Variants in LTBP2 observed in about 807,000 individuals in gnomAD.
LTBP2 encodes the protein latent-transforming growth factor beta-binding protein 2.
A neutral mutation model predicts 210.6 loss-of-function variants in LTBP2; 103 were observed. The ratio of observed to expected loss-of-function variants is 0.49; its 90% CI spans 0.42 to 0.58. The LOEUF is 0.58. Among genes scored for constraint, LTBP2 ranks in the 20% least tolerant of loss-of-function variants. The probability of loss-of-function intolerance (pLI) is 0.00; values close to 1 mark genes in which losing one functional copy is unlikely to be tolerated. For missense variants in LTBP2, 2,313 were observed against 2,494.5 expected (o/e 0.93, Z 1.55); for synonymous variants, 1,007 against 1,015.0 (o/e 0.99, Z 0.15).
At chr14:74,545,959 G>C (rs1336091948) in intron 8 of LTBP2, among the ~76,000 whole-genome samples, 1 of 152,156 alleles carries the variant, frequency 6.6e-6, no homozygotes, top group Non-Finnish European at 1.5e-5. Context: ...GGAACAAAAG[G>C]GATTTACCTA....
chr14:74,577,198 AAAAAG>A (rs573355825), intron 3 of LTBP2, among the ~76,000 whole-genome samples: 78 of 152,362 alleles, frequency 5.1e-4, no homozygotes, highest in African/African-American at 1.7e-3. Flanking sequence ...AAAAGGCTAA[AAAAAG>A]AAAAGAAAGA....
At chr14:74,532,358 C>T (rs887029381) in intron 10 of LTBP2, 68 bp downstream of exon 10, 1 of 1,603,046 alleles carries the variant, frequency 6.2e-7, no homozygotes, top group Non-Finnish European at 8.5e-7. Flanking sequence ...TGGGCCTGGC[C>T]TGTGGACCTG....
At chr14:74,529,247 G>A (rs2087319773) in intron 10 of LTBP2, 125 bp from the exon 11 acceptor site, 5 of 1,182,938 alleles carry the variant, frequency 4.2e-6, no homozygotes, top group Non-Finnish European at 6.1e-6. Context: ...CCATATCTCA[G>A]TTGGGAAGTT....
Position 74,506,001 on chromosome 14 carries a change from C to A in LTBP2, c.4177+47G>T, listed in dbSNP as rs762306510. 4 of 1,612,824 alleles carry A rather than the reference C, an allele frequency of 2.5e-6. No homozygotes were observed. The Admixed American group carries it at 6.7e-5, about 27-fold the overall frequency. ...AGAGGGATGCAGAGGGACACGCTCT[C>A]TGTAAACCTCTGAGTCACCATGGAT... On this transcript the variant is annotated intron_variant, in intron 28 of 35. Coordinates refer to ENST00000261978, the MANE Select transcript of LTBP2 (RefSeq NM_000428.3).
At chr14:74,604,268 C>A (rs924362213) in intron 1 of LTBP2, among the ~76,000 whole-genome samples, 1 of 151,716 alleles carries the variant, frequency 6.6e-6, no homozygotes, top group African/African-American at 2.4e-5. Context: ...ATAAAACAGT[C>A]TCAAGGTCAT....
Position 74,506,155 on chromosome 14 carries a change from C to T in LTBP2, c.4070G>A (p.Gly1357Glu). The change falls in exon 28 of 36, where the codon GGG (glycine) becomes GAG (glutamate). Residue 1357 changes from glycine (G) to glutamate (E), a missense_variant. Coordinates refer to ENST00000261978, the MANE Select transcript of LTBP2 (RefSeq NM_000428.3). ...CTCCACGTTCTCACAGAGCGCGGCC[C>T]CACATACCGCCAGCATAAGCTCACA... ...NECELMLAVC[G>E]AALCENVEGS... 1 of 1,613,928 alleles carries T rather than the reference C, an allele frequency of 6.2e-7. No homozygotes were observed. Among genetic ancestry groups the T allele is most frequent in the Non-Finnish European group, 8.5e-7 (1 of 1,179,976 alleles).
At chr14:74,552,162 C>T (rs776976483) in intron 6 of LTBP2, 25 bp downstream of exon 6, 3 of 1,513,118 alleles carry the variant, frequency 2.0e-6, no homozygotes, top group Non-Finnish European at 1.8e-6. Context: ...CAGGGTCCCG[C>T]CGGCCCAGCT....
intron 17 of LTBP2, among the ~76,000 whole-genome samples, chr14:74,518,153 C>T (rs1349181975): frequency 6.6e-6 from 1 of 152,198 alleles, no homozygotes; most frequent in African/African-American, 2.4e-5. Flanking sequence ...AAGGCCTCAC[C>T]TTCCCACTCT....
chr14:74,506,812 A>T lies in LTBP2; in HGVS notation c.3919T>A (p.Cys1307Ser). The T allele has an allele frequency of 6.2e-7, 1 of 1,613,182 alleles. No homozygotes were observed. Among genetic ancestry groups the T allele is most frequent in the Non-Finnish European group, 8.5e-7 (1 of 1,179,816 alleles). ...CTGCCACACATGGTGTCGTTGGCGC[A>T]CTCGTCTATGTCTGTGGGACAGTGG... ...PNGDCIDIDE[C>S]ANDTMCGSHG... The change falls in exon 27 of 36, where the codon TGC becomes AGC. Residue 1307 changes from cysteine (C) to serine (S), a missense_variant. Physicochemically the swap from Cys to Ser is moderately radical, Grantham distance 112 (BLOSUM62 -1). Around this residue, in one of 3 missense-constraint regions of LTBP2, gnomAD observed 1,867 missense variants for 1,976.9 expected, o/e 0.94. Coordinates refer to ENST00000261978, the MANE Select transcript of LTBP2 (RefSeq NM_000428.3).
intron 11 of LTBP2, 124 bp downstream of exon 11, chr14:74,528,834 C>T (rs765987373): frequency 1.5e-4 from 226 of 1,516,374 alleles, no homozygotes; most frequent in Non-Finnish European, 1.7e-4. Flanking sequence ...GGGATAAGCA[C>T]GTGAGCAGGC....
At position 74,549,659 on chromosome 14, in the gene LTBP2, C is replaced by T. The variant is rs190732623; in HGVS notation, c.1789+204G>A. Among the ~76,000 whole-genome samples, 144 of 152,364 alleles carry T rather than the reference C, an allele frequency of 9.5e-4. 1 individual carries two copies. Among genetic ancestry groups the T allele is most frequent in the African/African-American group, 3.2e-3 (132 of 41,588 alleles). On this transcript the variant is annotated intron_variant, in intron 8 of 35. Transcript: ENST00000261978. Reference sequence around the variant, plus strand: ...CTTGCAGGCAATCAGATGGAGCAGGCAGGACAGACTGCACCAGCAGAGGGC... The same window carrying T: ...CTTGCAGGCAATCAGATGGAGCAGGTAGGACAGACTGCACCAGCAGAGGGC...
chr14:74,520,833 G>C (rs2087192861), intron 17 of LTBP2, among the ~76,000 whole-genome samples: 1 of 152,034 alleles, frequency 6.6e-6, no homozygotes, highest in Non-Finnish European at 1.5e-5. Flanking sequence ...ATGAATGAAT[G>C]GTAGCTATTT....
At chr14:74,503,006 T>C (rs778307410) in intron 33 of LTBP2, 72 bp from the exon 34 acceptor site, 3 of 1,585,498 alleles carry the variant, frequency 1.9e-6, no homozygotes, top group Non-Finnish European at 1.7e-6. Flanking sequence ...GCTTTGTCTC[T>C]GGGAGCATGC....
intron 12 of LTBP2, among the ~76,000 whole-genome samples, chr14:74,527,916 T>G (rs1012484403): frequency 1.3e-5 from 2 of 152,244 alleles, no homozygotes; most frequent in Non-Finnish European, 1.5e-5. Context: ...AATCACATAG[T>G]TTGCTGGCGC....
Position 74,611,848 on chromosome 14 carries a change from C to G in LTBP2, c.97G>C (p.Gly33Arg). 1 of 1,611,232 alleles carries G rather than the reference C, an allele frequency of 6.2e-7. No homozygotes were observed. Among genetic ancestry groups the G allele is most frequent in the Non-Finnish European group, 8.5e-7 (1 of 1,179,606 alleles). ...CCTACGGGGTCCCTTTGGGCATGACCCGCGCCCACGAAGAGAGCCAGGGTG... is the reference window on the plus strand; with the variant it reads ...CCTACGGGGTCCCTTTGGGCATGACGCGCGCCCACGAAGAGAGCCAGGGTG... ...PLTLALFVGA[G>R]HAQRDPVGRY... The change falls in exon 1 of 36, where the codon GGT (glycine) becomes CGT (arginine). Residue 33 changes from glycine to arginine, a missense_variant. Gly to Arg is a moderately radical substitution (Grantham distance 125). Transcript: ENST00000261978.
In LTBP2 at chr14:74,586,552, G is replaced by A. The variant is rs1377430192; in HGVS notation, c.566-434C>T. Among the ~76,000 whole-genome samples, 1 of 152,192 alleles carries A rather than the reference G, an allele frequency of 6.6e-6. No individual in the cohort carries two copies. Among genetic ancestry groups the A allele is most frequent in the Non-Finnish European group, 1.5e-5 (1 of 68,042 alleles). On this transcript the variant is annotated intron_variant, in intron 2 of 35. Coordinates refer to ENST00000261978, the MANE Select transcript of LTBP2 (RefSeq NM_000428.3). This position sits in a 1 kb window ranked among gnomAD's most constrained non-coding sequence, Gnocchi z 4.6. ...ATGGAGCGAATGGATGAATGAATCAGTCTCTTTTGCGGGAAAGGGCCCAAC... is the reference window on the plus strand; with the variant it reads ...ATGGAGCGAATGGATGAATGAATCAATCTCTTTTGCGGGAAAGGGCCCAAC...
chr14:74,590,159 G>A (rs192507593), intron 2 of LTBP2, among the ~76,000 whole-genome samples: 40 of 152,196 alleles, frequency 2.6e-4, no homozygotes, highest in Non-Finnish European at 4.3e-4. Context: ...TGTTGGCACA[G>A]ACATGGTGAA....
chr14:74,558,877 C>T (rs1262862833), intron 3 of LTBP2, among the ~76,000 whole-genome samples: 1 of 152,102 alleles, frequency 6.6e-6, no homozygotes, highest in Non-Finnish European at 1.5e-5. Flanking sequence ...GGGACTGGGC[C>T]AGACAGATGT....
Position 74,532,530 on chromosome 14 carries a change from G to A in LTBP2, c.1883C>T (p.Thr628Ile), listed in dbSNP as rs138040795. Residue 628 changes from threonine (T) to isoleucine (I), a missense_variant, in exon 10 of 36, where the codon ACC (threonine) becomes ATC (isoleucine). Physicochemically the swap from Thr to Ile is moderately conservative, Grantham distance 89 (BLOSUM62 -1). Transcript: ENST00000261978. The part of the protein sequence containing the change: ...THCQDINECL[T>I]LGLCKDAECV... ...CTCCGCGTCCTTGCACAGGCCCAGGGTCAAGCACTCGTTGATATCTGCAGG... is the reference window on the plus strand; with the variant it reads ...CTCCGCGTCCTTGCACAGGCCCAGGATCAAGCACTCGTTGATATCTGCAGG... The A allele has an allele frequency of 1.9e-6, 3 of 1,614,056 alleles. No individual in the cohort carries two copies. Among genetic ancestry groups the A allele is most frequent in the African/African-American group, 2.7e-5 (2 of 74,916 alleles).
Sources: allele counts gnomAD v4.1 joint callset (sites outside exome capture counted in the v4.1 genomes callset), GRCh38; gene constraint gnomAD v4.1.1; regional missense constraint gnomAD v4.1.1; non-coding constraint Gnocchi (gnomAD v3.1); transcripts MANE v1.5; gene names NCBI Gene and HGNC (gene_info 2026-07-23, HGNC 2026-07-21).